CDK8: variants seen among roughly 807,000 people sequenced by gnomAD.
CDK8 encodes the protein cyclin-dependent kinase 8.
CDK8 carries 29 observed loss-of-function variants against 71.5 expected under a neutral mutation model. The ratio of observed to expected loss-of-function variants is 0.41; its 90% CI spans 0.30 to 0.55. CDK8 has a LOEUF of 0.55. Ranked by LOEUF, CDK8 falls within the 20% of genes least tolerant of loss-of-function variation. The pLI, the probability that CDK8 is intolerant of heterozygous loss-of-function variation, is 0.37. For synonymous variants in CDK8, 161 were observed against 192.1 expected, an observed-to-expected ratio of 0.84 and a Z score of 1.34; for missense variants, 288 against 572.6, an observed-to-expected ratio of 0.50 and a Z score of 5.07.
At chr13:26,305,712 G>A (rs577766229) in intron 1 of CDK8, among the ~76,000 whole-genome samples, 2 of 151,902 alleles carry the variant, frequency 1.3e-5, no homozygotes, top group African/African-American at 4.8e-5. Context: ...CATTTCTTCT[G>A]CTGTACAGCA....
intron 4 of CDK8, among the ~76,000 whole-genome samples, chr13:26,366,623 C>A (rs888436713): frequency 3.9e-5 from 6 of 151,980 alleles, no homozygotes; most frequent in Admixed American, 1.3e-4. Flanking sequence ...AAGTATAATA[C>A]TCTAAGTAGG....
intron 1 of CDK8, among the ~76,000 whole-genome samples, chr13:26,255,940 T>G (rs1375373841): frequency 1.3e-5 from 2 of 152,186 alleles, no homozygotes; most frequent in Non-Finnish European, 1.5e-5. Context: ...TACAAATACT[T>G]TAGTATTCTG....
At chr13:26,387,420 C>T (rs1158716735) in intron 6 of CDK8, among the ~76,000 whole-genome samples, 2 of 152,164 alleles carry the variant, frequency 1.3e-5, no homozygotes, top group Non-Finnish European at 2.9e-5. Context: ...AGAGTGAGAA[C>T]TTTAGGGTGA....
At chr13:26,339,747 TAAAAA>T (rs759709011) in intron 2 of CDK8, among the ~76,000 whole-genome samples, 2 of 29,908 alleles carry the variant, frequency 6.7e-5, no homozygotes, top group African/African-American at 1.3e-4. Flanking sequence ...TATAATTACT[TAAAAA>T]AAAAATATAT....
At chr13:26,285,507 C>T (rs774233290) in intron 1 of CDK8, among the ~76,000 whole-genome samples, 5 of 152,248 alleles carry the variant, frequency 3.3e-5, no homozygotes, top group Middle Eastern at 3.4e-3. Context: ...TAATAAAAGC[C>T]GTCTGTGACA....
chr13:26,291,070 G>C (rs1469336748), intron 1 of CDK8, among the ~76,000 whole-genome samples: 2 of 150,406 alleles, frequency 1.3e-5, no homozygotes, highest in East Asian at 3.9e-4. Context: ...AGTGAGCCAG[G>C]ACTGTGCCAC....
chr13:26,269,076 T>C (rs1872174881), intron 1 of CDK8, among the ~76,000 whole-genome samples: 3 of 152,234 alleles, frequency 2.0e-5, no homozygotes, highest in Admixed American at 2.0e-4. Flanking sequence ...AATGAGAGGC[T>C]GGAGCCCTTT....
Position 26,401,304 on chromosome 13 carries a change from G to A in CDK8, c.1067G>A (p.Arg356Gln), listed in dbSNP as rs2138075013. ...GGTTGTCAAATCCCTTACCCAAAAC[G>A]AGAATTTTTAACGGAAGAAGAACCT... ...FAGCQIPYPK[R>Q]EFLTEEEPDD... Residue 356 changes from arginine to glutamine, a missense_variant, in exon 11 of 13, where the codon CGA (arginine) becomes CAA (glutamine). Physicochemically the swap from Arg to Gln is conservative, Grantham distance 43 (BLOSUM62 1). This residue lies in a region of CDK8 where 96 missense variants were observed against 229.8 expected (regional missense o/e 0.42). Coordinates refer to ENST00000381527, the MANE Select transcript of CDK8 (RefSeq NM_001260.3). This position sits in a 1 kb window ranked among gnomAD's most constrained non-coding sequence, Gnocchi z 4.5. The A allele has an allele frequency of 1.2e-6, 2 of 1,614,088 alleles. No homozygotes were observed. Among genetic ancestry groups the A allele is most frequent in the Non-Finnish European group, 1.7e-6 (2 of 1,179,982 alleles).
rs1873740856 is a variant in CDK8 at position 26,299,805 on chromosome 13, C to CT, written c.129-37761dup. 2.0e-5 allele frequency among the ~76,000 whole-genome samples: 3 copies of CT among 152,222 alleles called. No homozygotes were observed. The South Asian group carries it at 6.2e-4, about 32-fold the overall frequency. On this transcript the variant is annotated intron_variant, in intron 1 of 12. Transcript: ENST00000381527. ...GACATAGTTTACTGACAGTAGTTTC[C>CT]TGCTTTTTAAGGAATAGAGGAGTAG...
At chr13:26,292,530 C>T (rs377007620) in intron 1 of CDK8, among the ~76,000 whole-genome samples, 2 of 152,156 alleles carry the variant, frequency 1.3e-5, no homozygotes, top group South Asian at 2.1e-4. Flanking sequence ...CTAAAATCTG[C>T]TCACATCACT....
At chr13:26,371,683 T>C (rs1285669881) in intron 4 of CDK8, among the ~76,000 whole-genome samples, 3 of 152,264 alleles carry the variant, frequency 2.0e-5, no homozygotes, top group African/African-American at 7.2e-5. Context: ...TGGCGTGATC[T>C]TGGCTCACTG....
chr13:26,311,247 T>C (rs763847527), intron 1 of CDK8, among the ~76,000 whole-genome samples: 3 of 152,200 alleles, frequency 2.0e-5, no homozygotes, highest in Admixed American at 6.5e-5. Flanking sequence ...CTTTGTAACA[T>C]ACCTTGTAAA....
intron 6 of CDK8, among the ~76,000 whole-genome samples, chr13:26,391,665 AT>A (rs1373345240): frequency 2.6e-5 from 4 of 152,236 alleles, no homozygotes; most frequent in Non-Finnish European, 1.5e-5. Context: ...TAATCACAAA[AT>A]AATTAATTTT....
At chr13:26,385,829 C>T (rs1875450997) in intron 6 of CDK8, among the ~76,000 whole-genome samples, 1 of 152,152 alleles carries the variant, frequency 6.6e-6, no homozygotes, top group Non-Finnish European at 1.5e-5. Context: ...AGGGGTATAT[C>T]ATTCCACATA....
intron 4 of CDK8, among the ~76,000 whole-genome samples, chr13:26,382,580 G>GA (rs1386526587): frequency 6.6e-6 from 1 of 152,212 alleles, no homozygotes; most frequent in Non-Finnish European, 1.5e-5. Context: ...AGAGGGCCAA[G>GA]AAAAGCCTCA....
At chr13:26,348,092 A>C (rs9512189) in intron 2 of CDK8, among the ~76,000 whole-genome samples, 149 of 152,074 alleles carry the variant, frequency 9.8e-4, no homozygotes, top group South Asian at 2.7e-3. Context: ...ATATCTATAT[A>C]GATATATATA....
Position 26,323,372 on chromosome 13 carries a change from AGAGGG to A in CDK8, c.129-14194_129-14190del, listed in dbSNP as rs1593263664. Among the ~76,000 whole-genome samples the A allele has an allele frequency of 3.4e-5, 5 of 148,354 alleles. No homozygotes were observed. In the East Asian group the frequency reaches 7.9e-4, roughly 23 times the overall value. ...GAGAGGGAGAGGGAGAGGGAGAGGG[AGAGGG>A]AACAAGCAAGCGCTCTGGTTTCTCT... is the stretch of plus-strand genomic sequence containing the variant. On this transcript the variant is annotated intron_variant, in intron 1 of 12. Transcript: ENST00000381527.
intron 9 of CDK8, 109 bp downstream of exon 9, chr13:26,397,334 T>C: frequency 1.5e-6 from 1 of 655,200 alleles, no homozygotes; most frequent in Non-Finnish European, 2.7e-6. Flanking sequence ...GCACTCAGAG[T>C]GCTTTCATGG....
intron 1 of CDK8, among the ~76,000 whole-genome samples, chr13:26,314,351 TC>T (rs1351718128): frequency 6.6e-6 from 1 of 152,198 alleles, no homozygotes; most frequent in Non-Finnish European, 1.5e-5. Context: ...ACATCATCAA[TC>T]TAAATTCTTT....
Sources: gnomAD v4.1 joint callset for allele counts (sites outside exome capture counted in the v4.1 genomes callset) on GRCh38, gnomAD v4.1.1 for gene constraint, gnomAD v4.1.1 regional missense constraint, Gnocchi (gnomAD v3.1) non-coding constraint, MANE v1.5 for transcripts, NCBI Gene and HGNC (gene_info 2026-07-23, HGNC 2026-07-21) for gene names.